The following ZNF75D variants were observed in gnomAD, a reference collection of about 807,000 sequenced individuals.
ZNF75D encodes zinc finger protein 75D, also known as zinc finger protein 75.
A neutral mutation model predicts 33.3 loss-of-function variants in ZNF75D; 33 were observed. That is an observed-to-expected ratio of 0.99 (90% CI 0.75 to 1.32). ZNF75D has a LOEUF of 1.32. Ranked by LOEUF, ZNF75D falls within the 40% of genes most tolerant of loss-of-function variation. The probability of loss-of-function intolerance (pLI) is 0.00; values close to 1 mark genes in which losing one functional copy is unlikely to be tolerated. For synonymous variants in ZNF75D, 113 were observed against 130.6 expected (o/e 0.87, Z 0.92); for missense variants, 338 against 367.5 (o/e 0.92, Z 0.66).
intron 1 of ZNF75D, among the ~76,000 whole-genome samples, chrX:135,323,954 T>C (rs1002656588): frequency 1.8e-5 from 2 of 109,060 alleles, no homozygotes; most frequent in Admixed American, 9.9e-5. Context: ...GGACATTGTT[T>C]AGAAAGCATG....
chrX:135,276,278 A>G (rs782071299), intron 1 of ZNF75D, among the ~76,000 whole-genome samples: 1 of 112,188 alleles, frequency 8.9e-6, no homozygotes, highest in African/African-American at 3.2e-5. Flanking sequence ...GACAAATAGA[A>G]CAAAATTGAG....
chrX:135,256,837 C>A (rs1394916792), intron 1 of ZNF75D, among the ~76,000 whole-genome samples: 1 of 111,941 alleles, frequency 8.9e-6, no homozygotes, highest in Non-Finnish European at 1.9e-5. Context: ...TCTTTGATAC[C>A]AGCTGAATCA....
chrX:135,282,095 C>T (rs1490121336), downstream of ZNF75D, among the ~76,000 whole-genome samples: 1 of 112,246 alleles, frequency 8.9e-6, no homozygotes, highest in African/African-American at 3.2e-5. Context: ...CCCACAGCCA[C>T]CTCTTCCCCC....
At chrX:135,320,079 G>A in intron 1 of ZNF75D, among the ~76,000 whole-genome samples, 1 of 111,929 alleles carries the variant, frequency 8.9e-6, no homozygotes, top group Non-Finnish European at 1.9e-5. Flanking sequence ...CAGGCCACGA[G>A]GTCAGGAGTT....
intron 1 of ZNF75D, among the ~76,000 whole-genome samples, chrX:135,269,781 A>T (rs1238551026): frequency 3.6e-5 from 4 of 112,004 alleles, no homozygotes; most frequent in African/African-American, 1.3e-4. Context: ...TATCAAAGAG[A>T]TATCGGCACT....
chrX:135,340,124 C>CATACTTAGGTCTTGTTTTATGTT (rs2084766303), intron 1 of ZNF75D, among the ~76,000 whole-genome samples: 1 of 112,343 alleles, frequency 8.9e-6, no homozygotes. Flanking sequence ...GAAATTATGT[C>CATACTTAGGTCTTGTTTTATGTT]ATACTTAGGT....
intron 1 of ZNF75D, among the ~76,000 whole-genome samples, chrX:135,257,274 T>C (rs1366490230): frequency 1.8e-5 from 2 of 110,551 alleles, no homozygotes; most frequent in African/African-American, 3.3e-5. Context: ...CCCTGGGCCA[T>C]ACGGGAGCCC....
intron 1 of ZNF75D, among the ~76,000 whole-genome samples, chrX:135,340,850 A>C (rs1368869452): frequency 8.9e-6 from 1 of 112,302 alleles, no homozygotes; most frequent in Non-Finnish European, 1.9e-5. Flanking sequence ...TAGGTCAGAA[A>C]TTCTAGAGGA....
At chrX:135,281,656 T>C (rs782112683), downstream of ZNF75D, among the ~76,000 whole-genome samples, 25 of 112,223 alleles carry the variant, frequency 2.2e-4, no homozygotes, top group Non-Finnish European at 2.6e-4. Flanking sequence ...GTTGGTGATC[T>C]TCAGATGGGG....
intron 1 of ZNF75D, among the ~76,000 whole-genome samples, chrX:135,338,427 G>T (rs2084743630): frequency 8.9e-6 from 1 of 112,107 alleles, no homozygotes; most frequent in African/African-American, 3.2e-5. Context: ...TTTAACTCAG[G>T]TTTTCTTAAT....
At chrX:135,259,749 T>A (rs1241577028) in intron 1 of ZNF75D, among the ~76,000 whole-genome samples, 6 of 111,979 alleles carry the variant, frequency 5.4e-5, no homozygotes, top group Admixed American at 1.9e-4. Flanking sequence ...ACAGGGACAA[T>A]TTGACTTCCT....
chrX:135,335,726 G>A (rs980831764), intron 1 of ZNF75D, among the ~76,000 whole-genome samples: 1 of 111,878 alleles, frequency 8.9e-6, no homozygotes, highest in African/African-American at 3.3e-5. Context: ...GCATGTCTGT[G>A]TGTATGGATA....
intron 1 of ZNF75D, among the ~76,000 whole-genome samples, chrX:135,259,253 G>C (rs912627294): frequency 9.0e-6 from 1 of 111,723 alleles, no homozygotes; most frequent in Non-Finnish European, 1.9e-5. Flanking sequence ...TGCTCTCTTG[G>C]CTTAGGATTG....
chrX:135,270,995 T>TAGG (rs1333054001), intron 1 of ZNF75D, among the ~76,000 whole-genome samples: 25 of 112,279 alleles, frequency 2.2e-4, no homozygotes, highest in African/African-American at 7.7e-4. Flanking sequence ...GGTCACTCTC[T>TAGG]ATCCCATCCT....
chrX:135,322,780 G>A (rs2084512675), intron 1 of ZNF75D, among the ~76,000 whole-genome samples: 1 of 112,341 alleles, frequency 8.9e-6, no homozygotes, highest in South Asian at 3.7e-4. Flanking sequence ...CCCACTATGA[G>A]ATAGGGCAAT....
intron 1 of ZNF75D, among the ~76,000 whole-genome samples, chrX:135,339,372 A>G (rs781926343): frequency 9.0e-6 from 1 of 111,540 alleles, no homozygotes; most frequent in South Asian, 3.8e-4. Context: ...TGCAGCTGGA[A>G]CTCATTCATG....
intron 5 of ZNF75D, 115 bp downstream of exon 5, chrX:135,291,357 T>A: frequency 1.1e-6 from 1 of 931,930 alleles, no homozygotes; most frequent in Non-Finnish European, 1.5e-6. Context: ...AGAGAATAAC[T>A]GGGGCTAAAA....
chrX:135,312,577 T>C (rs1556428879), intron 1 of ZNF75D, among the ~76,000 whole-genome samples: 1 of 111,474 alleles, frequency 9.0e-6, no homozygotes. Flanking sequence ...CTTTATACTG[T>C]TTTTCATTGT....
chrX:135,260,631 G>A (rs1332600925), intron 1 of ZNF75D, among the ~76,000 whole-genome samples: 5 of 111,625 alleles, frequency 4.5e-5, no homozygotes, highest in Admixed American at 1.9e-4. Context: ...CTGTGGGATC[G>A]GTGGTGATAT....
Sources: gnomAD v4.1 joint callset for allele counts (sites outside exome capture counted in the v4.1 genomes callset) on GRCh38, gnomAD v4.1.1 for gene constraint, MANE v1.5 for transcripts, NCBI Gene and HGNC (gene_info 2026-07-23, HGNC 2026-07-21) for gene names.